DCC: variants seen among roughly 807,000 people sequenced by gnomAD.
DCC encodes netrin receptor DCC.
In DCC, 58 loss-of-function variants were observed where a neutral mutation model predicts 172.5. The ratio of observed to expected loss-of-function variants is 0.34; its 90% CI spans 0.27 to 0.42. The LOEUF is 0.42. Ranked by LOEUF, DCC falls within the 10% of genes least tolerant of loss-of-function variation. The pLI is 1.00. For synonymous variants in DCC, 709 were observed against 644.5 expected (o/e 1.10, Z -1.52); for missense variants, 1,740 against 1,791.0 (o/e 0.97, Z 0.51).
At chr18:53,053,610 C>T (rs2144046493) in intron 5 of DCC, among the ~76,000 whole-genome samples, 1 of 152,222 alleles carries the variant, frequency 6.6e-6, no homozygotes, top group South Asian at 2.1e-4. Context: ...AAATAGTTCT[C>T]ATGCATGACA....
rs8084387 is a variant in DCC at position 53,133,509 on chromosome 18, T to C, written c.1262-23847T>C. Among the ~76,000 whole-genome samples the C allele has an allele frequency of 9.6e-3, 1,464 of 152,312 alleles. 32 individuals are homozygous for C. The highest frequency in any genetic ancestry group is 0.033 in the African/African-American group (1,360 of 41,560). On this transcript the variant is annotated intron_variant, in intron 7 of 28. Coordinates refer to ENST00000442544, the MANE Select transcript of DCC (RefSeq NM_005215.4). ...AGATACTTTCCTAGAATCACACATG[T>C]GTGTTTTATTCCTTTCTTGGGAGTA... is the stretch of plus-strand genomic sequence containing the variant.
At chr18:52,449,277 G>A (rs2144512460) in intron 1 of DCC, among the ~76,000 whole-genome samples, 1 of 152,328 alleles carries the variant, frequency 6.6e-6, no homozygotes, top group East Asian at 1.9e-4. Flanking sequence ...AGATTTGGGT[G>A]GAGACATAGA....
chr18:52,724,829 TA>T, intron 1 of DCC, among the ~76,000 whole-genome samples: 1 of 152,316 alleles, frequency 6.6e-6, no homozygotes, highest in Middle Eastern at 3.4e-3. Context: ...TGACCCATTC[TA>T]CACAATTCCT....
At chr18:53,280,727 A>G (rs1332409276) in intron 12 of DCC, among the ~76,000 whole-genome samples, 1 of 152,132 alleles carries the variant, frequency 6.6e-6, no homozygotes, top group Non-Finnish European at 1.5e-5. Flanking sequence ...GAATGTAACC[A>G]CTATGAAAAT....
intron 5 of DCC, among the ~76,000 whole-genome samples, chr18:53,046,451 C>A (rs779813446): frequency 6.7e-6 from 1 of 149,658 alleles, no homozygotes; most frequent in Non-Finnish European, 1.5e-5. Flanking sequence ...ATACATACTT[C>A]CATGTTAGAC....
chr18:52,971,950 G>C (rs1301641177), intron 5 of DCC, among the ~76,000 whole-genome samples: 1 of 152,084 alleles, frequency 6.6e-6, no homozygotes, highest in African/African-American at 2.4e-5. Context: ...GCTCCCTCAC[G>C]GCATCAGAAC....
At chr18:52,373,043 C>G (rs1985191682) in intron 1 of DCC, among the ~76,000 whole-genome samples, 1 of 152,056 alleles carries the variant, frequency 6.6e-6, no homozygotes, top group Non-Finnish European at 1.5e-5. Flanking sequence ...AATCAATGAC[C>G]CAGCTCTCAG....
chr18:53,186,256 A>T (rs913055442), intron 9 of DCC, among the ~76,000 whole-genome samples: 1 of 152,200 alleles, frequency 6.6e-6, no homozygotes, highest in Admixed American at 6.5e-5. Flanking sequence ...AGAAAGTGTC[A>T]TAATAATTAT....
At chr18:53,430,326 G>A (rs894944116) in intron 21 of DCC, among the ~76,000 whole-genome samples, 2 of 152,074 alleles carry the variant, frequency 1.3e-5, no homozygotes, top group Non-Finnish European at 2.9e-5. Context: ...TATGAACGTC[G>A]TCCTGGATGA....
chr18:53,376,125 C>T (rs1003504746), intron 15 of DCC, among the ~76,000 whole-genome samples: 1 of 152,086 alleles, frequency 6.6e-6, no homozygotes, highest in African/African-American at 2.4e-5. Context: ...GACGCGGTGA[C>T]GTGTGGCTGT....
In DCC at chr18:52,893,396, G is replaced by A. The variant is rs529122444; in HGVS notation, c.413-12648G>A. ...TGTATTCAATGACTGCCACTGGGAAGAAGAAAAATAGGAACTTGGGTTAAT... is the reference window on the plus strand; with the variant it reads ...TGTATTCAATGACTGCCACTGGGAAAAAGAAAAATAGGAACTTGGGTTAAT... On this transcript the variant is annotated intron_variant, in intron 2 of 28. Coordinates refer to ENST00000442544, the MANE Select transcript of DCC (RefSeq NM_005215.4). 6.4e-4 allele frequency among the ~76,000 whole-genome samples: 98 copies of A among 152,222 alleles called. 1 individual carries two copies. Among genetic ancestry groups the A allele is most frequent in the African/African-American group, 2.2e-3 (92 of 41,560 alleles).
rs189014362 is a variant in DCC, at chr18:52,575,787, G to A, written c.92-176267G>A. On this transcript the variant is annotated intron_variant, in intron 1 of 28. Transcript: ENST00000442544. ...TTTATTCTTTTAGGTATAACTTAGG[G>A]ATATAAAAAATAAAGCTATATCTGC... 3.5e-3 allele frequency among the ~76,000 whole-genome samples: 537 copies of A among 152,198 alleles called. 2 individuals are homozygous for A. The highest frequency in any genetic ancestry group is 5.8e-3 in the Non-Finnish European group (393 of 68,010).
intron 27 of DCC, among the ~76,000 whole-genome samples, chr18:53,514,310 A>C (rs1279497904): frequency 1.3e-5 from 2 of 152,182 alleles, no homozygotes; most frequent in African/African-American, 4.8e-5. Context: ...CAGTGTGTAG[A>C]GGGAAATTTA....
In DCC at chr18:52,432,620, G is replaced by A. The variant is rs376578251; in HGVS notation, c.91+91742G>A. On this transcript the variant is annotated intron_variant, in intron 1 of 28. Transcript: ENST00000442544. The stretch of plus-strand genomic sequence containing the variant: ...TCTTTATCTCTCTCCTTTGCTTCAT[G>A]TTGCATTTGCATAAATGGTTCTTTA... Among the ~76,000 whole-genome samples the A allele has an allele frequency of 1.5e-4, 23 of 152,236 alleles. No homozygotes were observed. The South Asian group carries it at 4.8e-3, about 32-fold the overall frequency.
At chr18:52,617,589 A>G (rs1440025952) in intron 1 of DCC, among the ~76,000 whole-genome samples, 1 of 149,824 alleles carries the variant, frequency 6.7e-6, no homozygotes, top group Non-Finnish European at 1.5e-5. Flanking sequence ...CCCTATGACC[A>G]TATCTTGGAG....
chr18:53,315,503 G>C (rs1262064115), intron 13 of DCC, among the ~76,000 whole-genome samples: 1 of 152,120 alleles, frequency 6.6e-6, no homozygotes, highest in East Asian at 1.9e-4. Flanking sequence ...GGGTCAATTG[G>C]TATTTCTGAT....
In DCC at chr18:53,535,866, A is replaced by AT. The variant is rs1568194314; in HGVS notation, c.*5219dup. On this transcript the variant is annotated 3_prime_UTR_variant, in exon 29 of 29. Coordinates refer to ENST00000442544, the MANE Select transcript of DCC (RefSeq NM_005215.4). ...TATAGAAATGTTATTCCAATGGTGCATTTTTTGTTTAATAAATAAAGTTTT... is the reference window on the plus strand; with the variant it reads ...TATAGAAATGTTATTCCAATGGTGCATTTTTTTGTTTAATAAATAAAGTTTT... 6.6e-6 allele frequency: 1 copy of AT among 152,116 alleles called. No individual in the cohort carries two copies. The highest frequency in any genetic ancestry group is 2.4e-5 in the African/African-American group (1 of 41,424). 9.4% of individuals were successfully genotyped at this position (152,116 alleles called of 1,614,324 possible).
intron 21 of DCC, among the ~76,000 whole-genome samples, chr18:53,422,107 A>G (rs1910671151): frequency 1.3e-5 from 2 of 152,206 alleles, no homozygotes; most frequent in Non-Finnish European, 2.9e-5. Flanking sequence ...CATTTATTCC[A>G]GGAACTGTCT....
chr18:53,083,489 A>G (rs1347853786), intron 7 of DCC, among the ~76,000 whole-genome samples: 1 of 152,004 alleles, frequency 6.6e-6, no homozygotes, highest in African/African-American at 2.4e-5. Flanking sequence ...CTTTTTGTTG[A>G]CTATTTGTTA....
Sources: allele counts gnomAD v4.1 joint callset (sites outside exome capture counted in the v4.1 genomes callset), GRCh38; gene constraint gnomAD v4.1.1; transcripts MANE v1.5; gene names NCBI Gene and HGNC (gene_info 2026-07-23, HGNC 2026-07-21).